APOD: variants seen among roughly 807,000 people sequenced by gnomAD.
APOD encodes the protein apo-D.
APOD carries 22 observed loss-of-function variants against 20.4 expected under a neutral mutation model. The ratio of observed to expected loss-of-function variants is 1.08; its 90% CI spans 0.77 to 1.54. APOD has a LOEUF of 1.54. APOD is among the 40% of genes most tolerant of loss of function. APOD has a pLI of 0.00. For missense variants in APOD, 223 were observed against 229.6 expected (o/e 0.97, Z 0.19); for synonymous variants, 97 against 92.4 (o/e 1.05, Z -0.29).
chr3:195,571,556 T>C (rs1720159568), intron 3 of APOD, among the ~76,000 whole-genome samples, 191 bp from the exon 4 acceptor site: 1 of 152,048 alleles, frequency 6.6e-6, no homozygotes, highest in African/African-American at 2.4e-5. Flanking sequence ...GGCCTTTCCC[T>C]TGTGACTGTC....
intron 2 of APOD, among the ~76,000 whole-genome samples, chr3:195,577,412 T>C (rs1013160116): frequency 1.3e-5 from 2 of 152,242 alleles, no homozygotes; most frequent in African/African-American, 4.8e-5. Flanking sequence ...ACTCCCCAAA[T>C]TGATCTTCAG....
intron 4 of APOD, among the ~76,000 whole-genome samples, chr3:195,569,638 T>G (rs1422938607): frequency 6.6e-6 from 1 of 152,144 alleles, no homozygotes; most frequent in Admixed American, 6.5e-5. Context: ...ATGTCTCTCC[T>G]TATTTGAAAA....
intron 1 of APOD, among the ~76,000 whole-genome samples, chr3:195,581,441 C>T (rs1720337117): frequency 6.6e-6 from 1 of 152,214 alleles, no homozygotes; most frequent in Admixed American, 6.5e-5. Context: ...AAGCTGAAAG[C>T]CTGGCCCAGA....
At chr3:195,583,495 T>G (rs1233940816) in intron 1 of APOD, among the ~76,000 whole-genome samples, 1 of 152,212 alleles carries the variant, frequency 6.6e-6, no homozygotes, top group Non-Finnish European at 1.5e-5. Flanking sequence ...TTAATTCCAG[T>G]TTCCAGATTA....
chr3:195,568,835 GGGGGGGTA>G lies in APOD; in HGVS notation c.*57_*64del. ...TGGTTGATTGGTTTGTCTTTATGGG[GGGGGGGTA>G]GGGGAAAGCGAAGCAGAAGTAACAT... On this transcript the variant is annotated 3_prime_UTR_variant, in exon 5 of 5. Coordinates refer to ENST00000343267, the MANE Select transcript of APOD (RefSeq NM_001647.4). The G allele has an allele frequency of 9.4e-7, 1 of 1,064,976 alleles. No individual in the cohort carries two copies. Among genetic ancestry groups the G allele is most frequent in the Non-Finnish European group, 1.4e-6 (1 of 706,044 alleles). 66.0% of individuals were successfully genotyped at this position (1,064,976 alleles called of 1,614,324 possible). A position where few individuals can be genotyped will look rare whatever the true frequency, so the allele number is the denominator to read the frequency against.
intron 2 of APOD, among the ~76,000 whole-genome samples, chr3:195,574,416 G>A (rs150858718): frequency 1.1e-4 from 16 of 152,282 alleles, no homozygotes; most frequent in African/African-American, 3.8e-4. Context: ...TGGAGAGGTG[G>A]TGGGGATTTG....
intron 1 of APOD, among the ~76,000 whole-genome samples, chr3:195,580,512 C>A (rs188441445): frequency 2.1e-4 from 32 of 152,168 alleles, no homozygotes; most frequent in African/African-American, 7.5e-4. Flanking sequence ...TCAAGTGATT[C>A]TCCTGCCTCA....
At chr3:195,580,510 T>TTC (rs565846504) in intron 1 of APOD, among the ~76,000 whole-genome samples, 83 of 152,226 alleles carry the variant, frequency 5.5e-4, no homozygotes, top group Admixed American at 1.7e-3. Context: ...GTTCAAGTGA[T>TTC]TCTCCTGCCT....
At chr3:195,578,162 G>A (rs1452651378) in intron 2 of APOD, among the ~76,000 whole-genome samples, 1 of 152,026 alleles carries the variant, frequency 6.6e-6, no homozygotes, top group Non-Finnish European at 1.5e-5. Context: ...AAAGTGCTTT[G>A]GGATTTGTAT....
At chr3:195,581,882 A>T (rs1453256134) in intron 1 of APOD, among the ~76,000 whole-genome samples, 4 of 151,690 alleles carry the variant, frequency 2.6e-5, no homozygotes, top group Admixed American at 6.6e-5. Flanking sequence ...TGTGGTTAAA[A>T]CTCCTTGTGA....
intron 2 of APOD, among the ~76,000 whole-genome samples, chr3:195,575,727 A>C (rs1449250154): frequency 6.6e-6 from 1 of 152,140 alleles, no homozygotes. Flanking sequence ...TCCCGGGTGC[A>C]AGTGATTCTC....
At chr3:195,581,917 G>A (rs901439932) in intron 1 of APOD, among the ~76,000 whole-genome samples, 5 of 152,204 alleles carry the variant, frequency 3.3e-5, no homozygotes, top group Non-Finnish European at 7.3e-5. Flanking sequence ...GCTCAAGCCT[G>A]TAATCCCATG....
rs1458856490 is a variant in APOD, at chr3:195,579,495, G to A, written c.-34C>T. On this transcript the variant is annotated splice_region_variant and 5_prime_UTR_variant, in exon 2 of 5. Coordinates refer to ENST00000343267, the MANE Select transcript of APOD (RefSeq NM_001647.4). ...TGGGTGGCTGGAGAAGGGACCTGGA[G>A]CTGCGGGAACGCAAAGCAGCTGGGG... 1 of 1,607,374 alleles carries A rather than the reference G, an allele frequency of 6.2e-7. No homozygotes were observed. The highest frequency in any genetic ancestry group is 1.7e-5 in the Admixed American group (1 of 59,924).
intron 2 of APOD, among the ~76,000 whole-genome samples, chr3:195,576,801 C>T (rs1405414972): frequency 6.6e-6 from 1 of 151,776 alleles, no homozygotes; most frequent in Non-Finnish European, 1.5e-5. Context: ...CAGAGCAAGA[C>T]TCTGTCACAC....
intron 2 of APOD, among the ~76,000 whole-genome samples, chr3:195,575,378 T>C (rs963274924): frequency 6.6e-6 from 1 of 152,224 alleles, no homozygotes; most frequent in East Asian, 1.9e-4. Flanking sequence ...CCTTTTCCCA[T>C]GCAAAGTAAC....
chr3:195,577,521 CAGA>C (rs1458565019), intron 2 of APOD, among the ~76,000 whole-genome samples: 1 of 152,068 alleles, frequency 6.6e-6, no homozygotes, highest in Non-Finnish European at 1.5e-5. Flanking sequence ...ACGGAATAAC[CAGA>C]AGAACAAAGT....
At chr3:195,573,807 C>T (rs775642804) in intron 3 of APOD, 43 bp downstream of exon 3, 24 of 1,605,764 alleles carry the variant, frequency 1.5e-5, no homozygotes, top group Non-Finnish European at 2.0e-5. Context: ...CACTCTGCAT[C>T]AGCACTCCGC....
intron 2 of APOD, among the ~76,000 whole-genome samples, chr3:195,575,244 CTT>C (rs1319725320): frequency 1.3e-5 from 2 of 152,224 alleles, no homozygotes; most frequent in Non-Finnish European, 2.9e-5. Flanking sequence ...ACCTCTCTCT[CTT>C]ATCACAGCTG....
At chr3:195,572,282 G>A (rs562343642) in intron 3 of APOD, among the ~76,000 whole-genome samples, 2 of 152,274 alleles carry the variant, frequency 1.3e-5, no homozygotes, top group Non-Finnish European at 2.9e-5. Context: ...TGAGTGTGGG[G>A]GATTTCAATG....
Sources: allele counts gnomAD v4.1 joint callset (sites outside exome capture counted in the v4.1 genomes callset), GRCh38; gene constraint gnomAD v4.1.1; transcripts MANE v1.5; gene names NCBI Gene and HGNC (gene_info 2026-07-23, HGNC 2026-07-21).